The following NCOA2 variants were observed in gnomAD, a reference collection of about 807,000 sequenced individuals.
NCOA2 encodes nuclear receptor coactivator 2.
In NCOA2, 21 loss-of-function variants were observed where a neutral mutation model predicts 145.1. That is an observed-to-expected ratio of 0.14 (90% CI 0.10 to 0.21). The LOEUF is 0.21. Among genes scored for constraint, NCOA2 ranks in the 10% least tolerant of loss-of-function variants. The probability of loss-of-function intolerance (pLI) is 1.00; values close to 1 mark genes in which losing one functional copy is unlikely to be tolerated. For synonymous variants in NCOA2, 619 were observed against 637.5 expected, an observed-to-expected ratio of 0.97 and a Z score of 0.44; for missense variants, 1,472 against 1,837.6, an observed-to-expected ratio of 0.80 and a Z score of 3.64.
At chr8:70,449,398 G>A in the NCOA2 span, among the ~76,000 whole-genome samples, 2 of 152,180 alleles carry the variant, frequency 1.3e-5, no homozygotes, top group African/African-American at 4.8e-5. Flanking sequence ...ATAATCCAGA[G>A]GGAGTTTATT....
chr8:70,413,993 T>G, the NCOA2 span, among the ~76,000 whole-genome samples: 3 of 152,222 alleles, frequency 2.0e-5, no homozygotes, highest in African/African-American at 7.2e-5. Flanking sequence ...TATTTATTAT[T>G]CCTATATCTG....
chr8:70,441,202 G>T, the NCOA2 span, among the ~76,000 whole-genome samples: 3 of 149,298 alleles, frequency 2.0e-5, no homozygotes, highest in Non-Finnish European at 4.5e-5. Flanking sequence ...CAGGGTCATG[G>T]TCACATGTGG....
chr8:70,249,633 A>G (rs1822933311), intron 2 of NCOA2, among the ~76,000 whole-genome samples: 1 of 152,140 alleles, frequency 6.6e-6, no homozygotes, highest in Admixed American at 6.6e-5. Context: ...TTAGTTTGAT[A>G]TCATGTTCAG....
At chr8:70,320,975 A>C (rs578028948) in intron 1 of NCOA2, among the ~76,000 whole-genome samples, 1 of 152,298 alleles carries the variant, frequency 6.6e-6, no homozygotes, top group Admixed American at 6.5e-5. Context: ...ACACTGATTA[A>C]ATGAATGACT....
At chr8:70,408,648 T>G (rs552448570), upstream of NCOA2, among the ~76,000 whole-genome samples, 8 of 151,766 alleles carry the variant, frequency 5.3e-5, no homozygotes, top group Admixed American at 2.6e-4. Flanking sequence ...AAGTTAATTT[T>G]TGTGTGTGTG....
intron 1 of NCOA2, among the ~76,000 whole-genome samples, chr8:70,354,721 T>C (rs893230347): frequency 1.3e-5 from 2 of 152,240 alleles, no homozygotes; most frequent in African/African-American, 4.8e-5. Flanking sequence ...AAGAGTTTAA[T>C]ATTAATGATA....
chr8:70,147,110 TCGCGCG>T (rs71758835), intron 12 of NCOA2, among the ~76,000 whole-genome samples: 17 of 149,564 alleles, frequency 1.1e-4, no homozygotes, highest in Middle Eastern at 3.4e-3. Context: ...TGCAAATCTT[TCGCGCG>T]CGCGCGCGCG....
At chr8:70,422,701 C>T in the NCOA2 span, among the ~76,000 whole-genome samples, 227 of 152,072 alleles carry the variant, frequency 1.5e-3, 1 homozygote, top group African/African-American at 5.3e-3. Flanking sequence ...CTGAGCCTGG[C>T]CAAAATGCTG....
chr8:70,301,071 C>A (rs1265310950), intron 1 of NCOA2, among the ~76,000 whole-genome samples: 1 of 152,070 alleles, frequency 6.6e-6, no homozygotes, highest in East Asian at 1.9e-4. Context: ...ATGATCTTAC[C>A]CAGTAGGCTG....
rs1388205223 is a variant in NCOA2, at chr8:70,124,841, C to T, written c.3941G>A (p.Gly1314Asp). The T allele has an allele frequency of 5.6e-6, 9 of 1,597,378 alleles. No homozygotes were observed. The highest frequency in any genetic ancestry group is 7.7e-6 in the Non-Finnish European group (9 of 1,174,840). Residue 1314 changes from glycine (G) to aspartate (D), a missense_variant, in exon 20 of 23, where the codon GGC becomes GAC. Coordinates refer to ENST00000452400, the MANE Select transcript of NCOA2 (RefSeq NM_006540.4). ...NYGISQQPDP[G>D]FTGATTPQSP... ...CTGGGGAGTCGTAGCCCCAGTAAAG[C>T]CTGGATCAGGTTGCTGACTTATTCC...
At chr8:70,208,234 A>T (rs1181412208) in intron 4 of NCOA2, among the ~76,000 whole-genome samples, 1 of 151,408 alleles carries the variant, frequency 6.6e-6, no homozygotes, top group Non-Finnish European at 1.5e-5. Flanking sequence ...GGCCCTCTCA[A>T]TTCTATGAGA....
intron 2 of NCOA2, among the ~76,000 whole-genome samples, chr8:70,251,048 C>T (rs1300888559): frequency 6.6e-6 from 1 of 152,164 alleles, no homozygotes; most frequent in African/African-American, 2.4e-5. Flanking sequence ...AATTAAGTCA[C>T]TTGGGCCTCT....
At chr8:70,154,852 T>C (rs970667680) in intron 11 of NCOA2, among the ~76,000 whole-genome samples, 2 of 152,188 alleles carry the variant, frequency 1.3e-5, no homozygotes, top group African/African-American at 4.8e-5. Context: ...GAAGAGTAAG[T>C]TCAAGAGATC....
intron 2 of NCOA2, among the ~76,000 whole-genome samples, chr8:70,270,887 A>C (rs1189126067): frequency 6.6e-6 from 1 of 152,188 alleles, no homozygotes. Flanking sequence ...CACCATATAA[A>C]ATCATGCTTA....
At chr8:70,138,393 T>C (rs1044048485) in intron 14 of NCOA2, 61 bp from the exon 15 acceptor site, 18 of 1,453,392 alleles carry the variant, frequency 1.2e-5, no homozygotes, top group Non-Finnish European at 1.5e-5. Flanking sequence ...ATTTCTGCTA[T>C]GTAATATAAA....
chr8:70,130,604 A>G (rs956451486), intron 16 of NCOA2, among the ~76,000 whole-genome samples: 6 of 152,288 alleles, frequency 3.9e-5, no homozygotes, highest in Non-Finnish European at 8.8e-5. Flanking sequence ...GCTGTTTTCA[A>G]TATGAATTGG....
At chr8:70,224,751 T>C (rs1034247348) in intron 2 of NCOA2, among the ~76,000 whole-genome samples, 2 of 150,472 alleles carry the variant, frequency 1.3e-5, no homozygotes, top group African/African-American at 5.0e-5. Context: ...TCACACTTGA[T>C]ACGTTACATA....
intron 8 of NCOA2, 33 bp from the exon 9 acceptor site, chr8:70,162,887 G>A: frequency 5.4e-6 from 7 of 1,307,666 alleles, no homozygotes; most frequent in Non-Finnish European, 7.4e-6. Flanking sequence ...ATACCTACAT[G>A]TTGATCTATT....
At chr8:70,429,790 G>T in the NCOA2 span, among the ~76,000 whole-genome samples, 1 of 152,172 alleles carries the variant, frequency 6.6e-6, no homozygotes, top group African/African-American at 2.4e-5. Flanking sequence ...CACTCAAAAA[G>T]AATGTAGGGC....
Sources: gnomAD v4.1 joint callset for allele counts (sites outside exome capture counted in the v4.1 genomes callset) on GRCh38, gnomAD v4.1.1 for gene constraint, MANE v1.5 for transcripts, NCBI Gene and HGNC (gene_info 2026-07-23, HGNC 2026-07-21) for gene names.